UNC80: variants seen among roughly 807,000 people sequenced by gnomAD.
The protein encoded by UNC80 is unc-80 subunit of NALCN channel complex.
UNC80 carries 164 observed loss-of-function variants against 384.6 expected under a neutral mutation model. That is an observed-to-expected ratio of 0.43 (90% CI 0.38 to 0.49). The LOEUF (loss-of-function observed/expected upper bound fraction) is 0.49, where lower values mean the gene tolerates loss of function less well. Ranked by LOEUF, UNC80 falls within the 20% of genes least tolerant of loss-of-function variation. The pLI is 0.00. For synonymous variants in UNC80, 1,486 were observed against 1,527.8 expected (o/e 0.97, Z 0.64); for missense variants, 3,330 against 4,143.0 (o/e 0.80, Z 5.39).
chr2:209,830,539 T>A (rs1327575135), intron 15 of UNC80, among the ~76,000 whole-genome samples: 2 of 152,166 alleles, frequency 1.3e-5, no homozygotes, highest in African/African-American at 4.8e-5. Flanking sequence ...TAAAGTATAT[T>A]ACTTTAAGGT....
At chr2:209,882,406 A>G (rs1461451623) in intron 25 of UNC80, among the ~76,000 whole-genome samples, 1 of 152,134 alleles carries the variant, frequency 6.6e-6, no homozygotes, top group South Asian at 2.1e-4. Flanking sequence ...CCGGAGTTCT[A>G]GGAAGACCAT....
intron 51 of UNC80, among the ~76,000 whole-genome samples, chr2:209,961,858 A>G (rs1273470899): frequency 6.6e-6 from 1 of 152,208 alleles, no homozygotes; most frequent in Non-Finnish European, 1.5e-5. Flanking sequence ...ATGAAAATGT[A>G]TTTGATCATA....
intron 56 of UNC80, among the ~76,000 whole-genome samples, chr2:209,975,840 G>T (rs1263912279): frequency 1.3e-5 from 2 of 152,042 alleles, no homozygotes; most frequent in Non-Finnish European, 2.9e-5. Flanking sequence ...CAATTCAGTG[G>T]ACCACATTGC....
At chr2:209,774,577 G>A (rs1406413858) in intron 2 of UNC80, among the ~76,000 whole-genome samples, 1 of 151,908 alleles carries the variant, frequency 6.6e-6, no homozygotes, top group Non-Finnish European at 1.5e-5. Context: ...GACATTACCC[G>A]GAATACTCTG....
intron 51 of UNC80, among the ~76,000 whole-genome samples, chr2:209,964,268 T>C (rs928851500): frequency 6.6e-6 from 1 of 151,602 alleles, no homozygotes; most frequent in Admixed American, 6.6e-5. Flanking sequence ...ACAACTAATA[T>C]AAAAAGAGTG....
At chr2:209,810,137 C>G (rs934064996) in intron 7 of UNC80, among the ~76,000 whole-genome samples, 1 of 152,138 alleles carries the variant, frequency 6.6e-6, no homozygotes, top group Admixed American at 6.5e-5. Flanking sequence ...GCTATTTCAG[C>G]TTCCTGTTTG....
At chr2:209,989,578 T>C (rs912706611) in intron 61 of UNC80, among the ~76,000 whole-genome samples, 3 of 152,228 alleles carry the variant, frequency 2.0e-5, no homozygotes, top group Non-Finnish European at 4.4e-5. Context: ...TTTTGATTAC[T>C]GCAGTTGTAG....
At chr2:209,911,135 T>C (rs1000232118) in intron 29 of UNC80, among the ~76,000 whole-genome samples, 1 of 152,010 alleles carries the variant, frequency 6.6e-6, no homozygotes, top group African/African-American at 2.4e-5. Flanking sequence ...GGAGAGAGAA[T>C]GAGTGCAAGC....
chr2:209,991,087 A>C (rs1174972305), intron 61 of UNC80, among the ~76,000 whole-genome samples: 1 of 152,184 alleles, frequency 6.6e-6, no homozygotes, highest in Non-Finnish European at 1.5e-5. Flanking sequence ...CTGGGTATTT[A>C]AGTAGCTCTT....
intron 44 of UNC80, 120 bp from the exon 45 acceptor site, chr2:209,943,260 C>A: frequency 7.7e-7 from 1 of 1,294,494 alleles, no homozygotes; most frequent in Non-Finnish European, 1.0e-6. Flanking sequence ...ACATTCCTCT[C>A]TACCAGTTTA....
At chr2:209,983,028 T>C (rs1559438899) in intron 60 of UNC80, 1 of 152,032 alleles carries the variant, frequency 6.6e-6, no homozygotes, top group Non-Finnish European at 1.5e-5. Flanking sequence ...CTTAAGTAGA[T>C]AAATGTTTTG....
rs1005349182 is a variant in UNC80, at chr2:209,865,604, G to T, written c.3628-7154G>T. Among the ~76,000 whole-genome samples the T allele has an allele frequency of 2.6e-5, 4 of 151,896 alleles. No individual in the cohort carries two copies. In the East Asian group the frequency reaches 7.8e-4, roughly 29 times the overall value. The stretch of plus-strand genomic sequence containing the variant: ...TCTCAGAAAAAAAAAAAAAAAGAGG[G>T]CTTCAACCCCAATTGTTGTTCCTGT... On this transcript the variant is annotated intron_variant, in intron 22 of 64. Coordinates refer to ENST00000673920, the MANE Select transcript of UNC80 (RefSeq NM_001371986.1).
At chr2:209,991,954 G>A (rs915192457) in intron 61 of UNC80, among the ~76,000 whole-genome samples, 4 of 152,142 alleles carry the variant, frequency 2.6e-5, no homozygotes, top group Admixed American at 2.0e-4. Context: ...ATTGAAAACA[G>A]AATCTCAATT....
chr2:209,987,004 A>C (rs1209654148), intron 61 of UNC80, among the ~76,000 whole-genome samples: 1 of 152,224 alleles, frequency 6.6e-6, no homozygotes, highest in African/African-American at 2.4e-5. Context: ...AATGACGCTT[A>C]ACATACACTC....
chr2:209,878,428 A>G (rs1245956816), intron 24 of UNC80, among the ~76,000 whole-genome samples: 1 of 152,218 alleles, frequency 6.6e-6, no homozygotes, highest in African/African-American at 2.4e-5. Context: ...ACTGTCCTAG[A>G]AGAGATTTTG....
chr2:209,961,101 G>C (rs1300356713), intron 51 of UNC80: 1 of 152,104 alleles, frequency 6.6e-6, no homozygotes, highest in African/African-American at 2.4e-5. Context: ...GAGAGGGAGA[G>C]AGAGAGAGAG....
chr2:209,998,160 C>A lies in UNC80; in HGVS notation c.*2565C>A, dbSNP rs917726424. On this transcript the variant is annotated 3_prime_UTR_variant, in exon 65 of 65. Transcript: ENST00000673920. ...CTTCCCATGTAGAAAAAATTAGACT[C>A]AGCAAAGAGGTTGCTTCTTCTGAAA... 2.0e-5 allele frequency: 3 copies of A among 152,186 alleles called. No individual in the cohort carries two copies. Among genetic ancestry groups the A allele is most frequent in the Admixed American group, 2.0e-4 (3 of 15,278 alleles). The allele number at this position is 152,186 out of a possible 1,614,324, so 9.4% of individuals were successfully genotyped here.
chr2:209,894,786 G>A (rs1275144396), intron 27 of UNC80, among the ~76,000 whole-genome samples: 1 of 152,192 alleles, frequency 6.6e-6, no homozygotes, highest in Non-Finnish European at 1.5e-5. Context: ...CTTTTGATCA[G>A]AACATTCAAT....
Position 209,833,991 on chromosome 2 carries a change from C to A in UNC80, c.2776-11C>A, listed in dbSNP as rs2081176220. 2.6e-6 allele frequency: 4 copies of A among 1,547,680 alleles called. No individual in the cohort carries two copies. The highest frequency in any genetic ancestry group is 2.4e-5 in the East Asian group (1 of 40,904). Reference sequence around the variant, plus strand: ...CTTTCTTTCTCCAACTTCCTTCTTGCCTCCAAACAGGGACTGTATTGTGAC... The same window carrying A: ...CTTTCTTTCTCCAACTTCCTTCTTGACTCCAAACAGGGACTGTATTGTGAC... On this transcript the variant is annotated splice_polypyrimidine_tract_variant and intron_variant, in intron 16 of 64. Transcript: ENST00000673920.
Sources: allele counts gnomAD v4.1 joint callset (sites outside exome capture counted in the v4.1 genomes callset), GRCh38; gene constraint gnomAD v4.1.1; transcripts MANE v1.5; gene names NCBI Gene and HGNC (gene_info 2026-07-23, HGNC 2026-07-21).